The following MAPKAPK2 variants were observed in gnomAD, a reference collection of about 807,000 sequenced individuals.
MAPKAPK2 encodes MAPK activated protein kinase 2.
A neutral mutation model predicts 48.8 loss-of-function variants in MAPKAPK2; 9 were observed. The ratio of observed to expected loss-of-function variants is 0.18; its 90% CI spans 0.11 to 0.32. The LOEUF (loss-of-function observed/expected upper bound fraction) is 0.32, where lower values mean the gene tolerates loss of function less well. Ranked by LOEUF, MAPKAPK2 falls within the 10% of genes least tolerant of loss-of-function variation. MAPKAPK2 has a pLI of 1.00. For missense variants in MAPKAPK2, 331 were observed against 498.3 expected (o/e 0.66, Z 3.20); for synonymous variants, 202 against 190.6 (o/e 1.06, Z -0.49).
intron 1 of MAPKAPK2, among the ~76,000 whole-genome samples, chr1:206,715,791 TA>T (rs1553430264): frequency 6.6e-6 from 1 of 151,940 alleles, no homozygotes; most frequent in Non-Finnish European, 1.5e-5. Context: ...CATGCCCTGC[TA>T]ATTTTTTAAA....
At chr1:206,726,212 C>T (rs1037904571) in intron 1 of MAPKAPK2, among the ~76,000 whole-genome samples, 6 of 152,208 alleles carry the variant, frequency 3.9e-5, no homozygotes, top group Admixed American at 1.3e-4. Context: ...TGGCGAAACC[C>T]GGTCTCTACT....
At chr1:206,725,971 A>G (rs1307881172) in intron 1 of MAPKAPK2, among the ~76,000 whole-genome samples, 4 of 152,208 alleles carry the variant, frequency 2.6e-5, no homozygotes, top group Admixed American at 2.0e-4. Flanking sequence ...TGCATGGCCC[A>G]TAGTAGGAGC....
intron 1 of MAPKAPK2, among the ~76,000 whole-genome samples, chr1:206,692,160 G>A (rs1301994534): frequency 9.2e-5 from 14 of 152,194 alleles, no homozygotes; most frequent in African/African-American, 2.9e-4. Flanking sequence ...GGAGCTAAGC[G>A]AAGGCTGAAG....
At chr1:206,728,584 G>T in intron 1 of MAPKAPK2, 126 bp from the exon 2 acceptor site, 1 of 1,060,516 alleles carries the variant, frequency 9.4e-7, no homozygotes, top group Non-Finnish European at 1.3e-6. Flanking sequence ...AAGGGGGCTG[G>T]TGGGGGGGGC....
intron 1 of MAPKAPK2, among the ~76,000 whole-genome samples, chr1:206,715,256 GC>G (rs1450494548): frequency 3.4e-4 from 52 of 152,308 alleles, no homozygotes; most frequent in African/African-American, 1.3e-3. Context: ...CCATCCCAGG[GC>G]CACTTCCTCC....
Position 206,732,407 on chromosome 1 carries a change from G to T in MAPKAPK2, c.1060-168G>T. 1 of 1,457,192 alleles carries T rather than the reference G, an allele frequency of 6.9e-7. No individual in the cohort carries two copies. 90.3% of individuals were successfully genotyped at this position (1,457,192 alleles called of 1,614,324 possible). ...TGCTGCCCAGCGCTGGGGTGAGGCT[G>T]CCGTTGTCAGCGTGGACCACTAACC... On this transcript the variant is annotated intron_variant, in intron 9 of 9. Coordinates refer to ENST00000367103, the MANE Select transcript of MAPKAPK2 (RefSeq NM_032960.4). This position sits in a 1 kb window ranked among gnomAD's most constrained non-coding sequence, Gnocchi z 4.4.
intron 1 of MAPKAPK2, chr1:206,696,001 G>C: frequency 2.6e-6 from 2 of 770,182 alleles, no homozygotes; most frequent in Non-Finnish European, 4.8e-6. Context: ...AGTTCGATGT[G>C]TAGGGCAGTG....
Position 206,732,754 on chromosome 1 carries a change from A to G in MAPKAPK2, c.*36A>G, listed in dbSNP as rs964356003. 17 of 1,611,934 alleles carry G rather than the reference A, an allele frequency of 1.1e-5. No individual in the cohort carries two copies. Among genetic ancestry groups the G allele is most frequent in the Non-Finnish European group, 1.4e-5 (17 of 1,178,838 alleles). ...CCTCCTGCCCACGGGAGGACAAGCA[A>G]TAACTCTCTACAGGAATATATTTTT... On this transcript the variant is annotated 3_prime_UTR_variant, in exon 10 of 10. Transcript: ENST00000367103. This position sits in a 1 kb window ranked among gnomAD's most constrained non-coding sequence, Gnocchi z 4.4.
At position 206,728,817 on chromosome 1, in the gene MAPKAPK2, A is replaced by C. The variant is rs782768360; in HGVS notation, c.387A>C (p.Ala129=). Residue 129 remains alanine, a synonymous_variant, in exon 2 of 10, where the codon GCA becomes GCC. Coordinates refer to ENST00000367103, the MANE Select transcript of MAPKAPK2 (RefSeq NM_032960.4). ...TGGATGTGTACGAGAATCTGTACGCAGGGAGGAAGTGCCTGCTGATTGTCA... is the reference window on the plus strand; with the variant it reads ...TGGATGTGTACGAGAATCTGTACGCCGGGAGGAAGTGCCTGCTGATTGTCA... ...RIVDVYENLY[A]GRKCLLIVME... is the part of the protein sequence containing the mutation. The C allele has an allele frequency of 6.2e-7, 1 of 1,614,084 alleles. No individual in the cohort carries two copies. The highest frequency in any genetic ancestry group is 8.5e-7 in the Non-Finnish European group (1 of 1,180,042).
rs192907692 is a variant in MAPKAPK2 at position 206,688,047 on chromosome 1, C to G, written c.279+2539C>G. On this transcript the variant is annotated intron_variant, in intron 1 of 9. Transcript: ENST00000367103. ...GAAATCAGCATTTGAAAAAGAGTCCCAGCTCACCCTGCTGCTTCTCTCCCT... is the reference window on the plus strand; with the variant it reads ...GAAATCAGCATTTGAAAAAGAGTCCGAGCTCACCCTGCTGCTTCTCTCCCT... Among the ~76,000 whole-genome samples the G allele has an allele frequency of 5.3e-4, 80 of 152,280 alleles. 1 individual carries two copies. The highest frequency in any genetic ancestry group is 3.4e-3 in the Middle Eastern group (1 of 294).
At chr1:206,692,615 C>T (rs192709557) in intron 1 of MAPKAPK2, among the ~76,000 whole-genome samples, 4 of 152,310 alleles carry the variant, frequency 2.6e-5, no homozygotes, top group Admixed American at 1.3e-4. Context: ...TCTTTATTGT[C>T]TGATCAGTAA....
chr1:206,725,741 A>G lies in MAPKAPK2; in HGVS notation c.280-2969A>G, dbSNP rs1332003981. ...CTTTGATTCTTCTCCTCTGGGCTCCAGTTCCTGTGTGCCTGTAGGGGGCGA... is the reference window on the plus strand; with the variant it reads ...CTTTGATTCTTCTCCTCTGGGCTCCGGTTCCTGTGTGCCTGTAGGGGGCGA... On this transcript the variant is annotated intron_variant, in intron 1 of 9. Transcript: ENST00000367103. 2.4e-4 allele frequency among the ~76,000 whole-genome samples: 37 copies of G among 152,136 alleles called. 1 individual carries two copies. Among genetic ancestry groups the G allele is most frequent in the Non-Finnish European group, 5.9e-5 (4 of 68,028 alleles).
At chr1:206,698,338 T>C (rs1428241676) in intron 1 of MAPKAPK2, among the ~76,000 whole-genome samples, 51 of 152,174 alleles carry the variant, frequency 3.4e-4, no homozygotes, top group Admixed American at 3.3e-3. Flanking sequence ...TTTAGAACAT[T>C]GATCCTTCCA....
chr1:206,699,956 C>A (rs1439862443), intron 1 of MAPKAPK2, among the ~76,000 whole-genome samples: 1 of 141,336 alleles, frequency 7.1e-6, no homozygotes, highest in African/African-American at 2.6e-5. Context: ...CTTTTCGTTT[C>A]TTTCTCTCTC....
Position 206,733,261 on chromosome 1 carries a change from G to A in MAPKAPK2, c.*543G>A, listed in dbSNP as rs1673990520. On this transcript the variant is annotated 3_prime_UTR_variant, in exon 10 of 10. Transcript: ENST00000367103. ...GCCCTCAGACATCTCCAGTGTGCCA[G>A]ACAAATAGGAGTGAGTGTATGTGTG... 6.5e-6 allele frequency: 1 copy of A among 153,072 alleles called. No individual in the cohort carries two copies. The highest frequency in any genetic ancestry group is 1.4e-5 in the Non-Finnish European group (1 of 71,326). 9.5% of individuals were successfully genotyped at this position (153,072 alleles called of 1,614,324 possible).
chr1:206,698,870 G>A (rs1308210952), intron 1 of MAPKAPK2, among the ~76,000 whole-genome samples: 2 of 152,186 alleles, frequency 1.3e-5, no homozygotes, highest in Non-Finnish European at 2.9e-5. Flanking sequence ...AATAGCAAGT[G>A]CAAAGGCAAA....
At chr1:206,714,856 T>G (rs1384912899) in intron 1 of MAPKAPK2, among the ~76,000 whole-genome samples, 3 of 152,110 alleles carry the variant, frequency 2.0e-5, no homozygotes, top group Non-Finnish European at 2.9e-5. Flanking sequence ...ACATATTGCT[T>G]CTTTTTCCCT....
At chr1:206,701,024 T>C (rs1284740878) in intron 1 of MAPKAPK2, among the ~76,000 whole-genome samples, 2 of 152,232 alleles carry the variant, frequency 1.3e-5, no homozygotes, top group Non-Finnish European at 2.9e-5. Flanking sequence ...CTGTTGCCTC[T>C]GGTACAGCTG....
At position 206,732,324 on chromosome 1, in the gene MAPKAPK2, C is replaced by T. The variant is rs1262193009; in HGVS notation, c.1060-251C>T. 4.1e-5 allele frequency: 59 copies of T among 1,444,092 alleles called. No individual in the cohort carries two copies. Among genetic ancestry groups the T allele is most frequent in the South Asian group, 3.2e-4 (21 of 66,644 alleles). The allele number at this position is 1,444,092 out of a possible 1,614,324, so 89.5% of individuals were successfully genotyped here. A position where few individuals can be genotyped will look rare whatever the true frequency, so the allele number is the denominator to read the frequency against. ...CCTGGCCCAAGTCTCTTCCTCCTAT[C>T]CTGCGGGATCACTGGGGGGCTCTCA... On this transcript the variant is annotated intron_variant, in intron 9 of 9. Transcript: ENST00000367103. The surrounding 1 kb of genome is among the most constrained non-coding windows in gnomAD (Gnocchi z 4.4).
Sources: gnomAD v4.1 joint callset for allele counts (sites outside exome capture counted in the v4.1 genomes callset) on GRCh38, gnomAD v4.1.1 for gene constraint, Gnocchi (gnomAD v3.1) non-coding constraint, MANE v1.5 for transcripts, NCBI Gene and HGNC (gene_info 2026-07-23, HGNC 2026-07-21) for gene names.